The following EDRF1 variants were observed in gnomAD, a reference collection of about 807,000 sequenced individuals.
EDRF1 encodes erythroid differentiation regulatory factor 1.
EDRF1 carries 69 observed loss-of-function variants against 148.7 expected under a neutral mutation model. That is an observed-to-expected ratio of 0.46 (90% CI 0.38 to 0.57). The LOEUF is 0.57. EDRF1 is among the 20% of genes least tolerant of loss of function. The pLI, the probability that EDRF1 is intolerant of heterozygous loss-of-function variation, is 0.00. For missense variants in EDRF1, 1,118 were observed against 1,478.7 expected (o/e 0.76, Z 4.00); for synonymous variants, 515 against 532.8 (o/e 0.97, Z 0.46).
At chr10:125,731,578 C>T (rs1176811387) in intron 9 of EDRF1, among the ~76,000 whole-genome samples, 1 of 152,122 alleles carries the variant, frequency 6.6e-6, no homozygotes, top group Non-Finnish European at 1.5e-5. Context: ...GGAGTATGGA[C>T]TTGGTTCAGT....
At chr10:125,739,537 A>G (rs1485654338) in intron 15 of EDRF1, among the ~76,000 whole-genome samples, 1 of 152,184 alleles carries the variant, frequency 6.6e-6, no homozygotes, top group Non-Finnish European at 1.5e-5. Context: ...TGTGAACAAG[A>G]ACTTCATCTT....
Position 125,745,968 on chromosome 10 carries a change from A to T in EDRF1, c.2814+38A>T, listed in dbSNP as rs144445421. On this transcript the variant is annotated intron_variant, in intron 19 of 24. Transcript: ENST00000356792. ...CGTACATGTTGGGCCTCACCCATTC[A>T]CACCTGTCATTTATTTACATTTTGC... is the stretch of plus-strand genomic sequence containing the variant. 4 of 1,586,976 alleles carry T rather than the reference A, an allele frequency of 2.5e-6. No individual in the cohort carries two copies. In the South Asian group the frequency reaches 4.4e-5, roughly 18 times the overall value.
chr10:125,736,793 TG>T (rs1051411611), intron 13 of EDRF1, among the ~76,000 whole-genome samples: 2 of 151,926 alleles, frequency 1.3e-5, no homozygotes, highest in Non-Finnish European at 2.9e-5. Context: ...ACCCTAGGTC[TG>T]TTCATGGCTG....
At position 125,745,718 on chromosome 10, in the gene EDRF1, G is replaced by C. The variant is rs1300608489; in HGVS notation, c.2602G>C (p.Val868Leu). 1 of 1,614,060 alleles carries C rather than the reference G, an allele frequency of 6.2e-7. No homozygotes were observed. The highest frequency in any genetic ancestry group is 8.5e-7 in the Non-Finnish European group (1 of 1,180,022). ...LQSERLVSKS[V>L]SAAEQQLWKK... ...CTTTCTCTGTAAAGTGAGCAAATCT[G>C]TGTCTGCTGCCGAGCAACAGTTGTG... Residue 868 changes from valine (V) to leucine (L), a missense_variant, in exon 19 of 25, where the codon GTG becomes CTG. By Grantham distance (32) the Val-to-Leu change is conservative. Transcript: ENST00000356792.
rs768777462 is a variant in EDRF1, at chr10:125,741,059, A to T, written c.2229A>T (p.Gln743His). 1.9e-6 allele frequency: 3 copies of T among 1,613,892 alleles called. No individual in the cohort carries two copies. The South Asian group carries it at 3.3e-5, about 18-fold the overall frequency. ...MLSEVLLFLS[Q>H]YLTLCGDIQL... Reference sequence around the variant, plus strand: ...CCGAAGTGCTGTTGTTTCTCTCTCAATATTTGACACTTTGTGGTGATATCC... The same window carrying T: ...CCGAAGTGCTGTTGTTTCTCTCTCATTATTTGACACTTTGTGGTGATATCC... Residue 743 changes from glutamine (Q) to histidine (H), a missense_variant, in exon 17 of 25, where the codon CAA (glutamine) becomes CAT (histidine). By Grantham distance (24) the Gln-to-His change is conservative (BLOSUM62 0). Transcript: ENST00000356792.
chr10:125,741,913 C>CA, intron 17 of EDRF1, among the ~76,000 whole-genome samples: 1 of 152,038 alleles, frequency 6.6e-6, no homozygotes, highest in East Asian at 1.9e-4. Flanking sequence ...AGACTGGTCT[C>CA]AAACTCCTCA....
intron 23 of EDRF1, 33 bp from the exon 24 acceptor site, chr10:125,753,661 A>C (rs1209008838): frequency 6.2e-7 from 1 of 1,613,440 alleles, no homozygotes; most frequent in Non-Finnish European, 8.5e-7. Flanking sequence ...GTTGTTGGAT[A>C]GCTCGAGTAA....
intron 18 of EDRF1, chr10:125,745,433 C>A: frequency 2.1e-6 from 1 of 474,486 alleles, no homozygotes; most frequent in South Asian, 2.2e-5. Flanking sequence ...CTTACAATCT[C>A]ATTTAATCTT....
At chr10:125,738,098 AT>A (rs968534057) in intron 14 of EDRF1, 109 bp downstream of exon 14, 100 of 1,348,686 alleles carry the variant, frequency 7.4e-5, no homozygotes, top group Non-Finnish European at 9.3e-5. Context: ...TTCTGCTGCG[AT>A]TTTTTTTTCC....
chr10:125,761,342 G>T, intron 24 of EDRF1: 1 of 243,284 alleles, frequency 4.1e-6, no homozygotes, highest in Non-Finnish European at 8.4e-6. Context: ...TTTGAATTTA[G>T]AATTTACTCT....
chr10:125,724,332 C>T (rs2133667778), intron 4 of EDRF1, among the ~76,000 whole-genome samples: 1 of 152,318 alleles, frequency 6.6e-6, no homozygotes, highest in African/African-American at 2.4e-5. Flanking sequence ...TGAATAAATA[C>T]AGTCATGTTC....
chr10:125,762,056 G>T (rs1049075152), intron 24 of EDRF1, among the ~76,000 whole-genome samples: 1 of 152,176 alleles, frequency 6.6e-6, no homozygotes, highest in Non-Finnish European at 1.5e-5. Flanking sequence ...GGCAGGAGGA[G>T]ATTTGCCTGA....
At chr10:125,740,403 G>A (rs1182539515) in intron 15 of EDRF1, 60 bp from the exon 16 acceptor site, 10 of 1,541,902 alleles carry the variant, frequency 6.5e-6, no homozygotes. Context: ...AATATTTTTT[G>A]TGCATGAGAC....
At chr10:125,758,061 G>C (rs1202692955) in intron 24 of EDRF1, among the ~76,000 whole-genome samples, 1 of 151,972 alleles carries the variant, frequency 6.6e-6, no homozygotes, top group East Asian at 1.9e-4. Flanking sequence ...ATTTTGTTTG[G>C]GTAATTTCTG....
chr10:125,749,650 AATAATACT>A, intron 22 of EDRF1, 85 bp downstream of exon 22: 1 of 1,491,182 alleles, frequency 6.7e-7, no homozygotes. Flanking sequence ...TGTGAATCTA[AATAATACT>A]ATTTTCTTTT....
chr10:125,724,853 A>C (rs769976868), intron 4 of EDRF1, among the ~76,000 whole-genome samples: 9 of 152,196 alleles, frequency 5.9e-5, no homozygotes, highest in Non-Finnish European at 1.0e-4. Flanking sequence ...TGATAAAGAA[A>C]ATTAAATTAT....
chr10:125,746,152 A>G (rs531783374), intron 19 of EDRF1, among the ~76,000 whole-genome samples: 92 of 152,364 alleles, frequency 6.0e-4, no homozygotes, highest in African/African-American at 9.4e-4. Context: ...TGATTCTGCA[A>G]ATGGTTTGTA....
intron 12 of EDRF1, 22 bp from the exon 13 acceptor site, chr10:125,735,622 A>G (rs372644433): frequency 2.1e-4 from 343 of 1,608,818 alleles, no homozygotes; most frequent in Non-Finnish European, 2.8e-4. Context: ...TAATTTACAC[A>G]TATTTCTCTC....
chr10:125,727,962 C>T (rs935742704), intron 6 of EDRF1, among the ~76,000 whole-genome samples: 3 of 151,752 alleles, frequency 2.0e-5, no homozygotes, highest in Non-Finnish European at 4.4e-5. Context: ...TTTGGGAGGC[C>T]GAGGTGGGTG....
Sources: allele counts gnomAD v4.1 joint callset (sites outside exome capture counted in the v4.1 genomes callset), GRCh38; gene constraint gnomAD v4.1.1; transcripts MANE v1.5; gene names NCBI Gene and HGNC (gene_info 2026-07-23, HGNC 2026-07-21).